PLA2G6: variants seen among roughly 807,000 people sequenced by gnomAD.
PLA2G6 encodes 85/88 kDa calcium-independent phospholipase A2.
A neutral mutation model predicts 83.8 loss-of-function variants in PLA2G6; 62 were observed. The ratio of observed to expected loss-of-function variants is 0.74; its 90% CI spans 0.60 to 0.91. PLA2G6 has a LOEUF of 0.91. Among genes scored for constraint, PLA2G6 ranks in the 40% least tolerant of loss-of-function variants. The probability of loss-of-function intolerance (pLI) is 0.00; values close to 1 mark genes in which losing one functional copy is unlikely to be tolerated. For synonymous variants in PLA2G6, 417 were observed against 449.8 expected, an observed-to-expected ratio of 0.93 and a Z score of 0.92; for missense variants, 944 against 1,102.0, an observed-to-expected ratio of 0.86 and a Z score of 2.03.
intron 4 of PLA2G6, chr22:38,140,390 C>T (rs993018840): frequency 1.9e-6 from 1 of 516,714 alleles, no homozygotes; most frequent in African/African-American, 1.9e-5. Flanking sequence ...CACCTGTAAT[C>T]CCAGCTACTC....
At position 38,145,835 on chromosome 22, in the gene PLA2G6, C is replaced by CACA. The variant is rs2089230063; in HGVS notation, c.210-183_210-182insTGT. The CACA allele has an allele frequency of 4.5e-5, 19 of 421,108 alleles. No individual in the cohort carries two copies. The Admixed American group carries it at 6.6e-4, about 15-fold the overall frequency. 26.1% of individuals were successfully genotyped at this position (421,108 alleles called of 1,614,324 possible). On this transcript the variant is annotated intron_variant, in intron 2 of 16. Coordinates refer to ENST00000332509, the MANE Select transcript of PLA2G6 (RefSeq NM_003560.4). ...CACACACACACACACACACACACAC[C>CACA]CCTATACACATGTAAATGACATAAT... is the stretch of plus-strand genomic sequence containing the variant.
intron 12 of PLA2G6, among the ~76,000 whole-genome samples, chr22:38,120,039 C>T (rs1389071353): frequency 1.3e-5 from 2 of 152,210 alleles, no homozygotes; most frequent in African/African-American, 2.4e-5. Flanking sequence ...GAGGGGATGC[C>T]GGGCCCCTAA....
At chr22:38,153,845 C>T (rs955188194) in intron 2 of PLA2G6, among the ~76,000 whole-genome samples, 3 of 152,174 alleles carry the variant, frequency 2.0e-5, no homozygotes, top group Admixed American at 6.5e-5. Context: ...AGTTCTGGAC[C>T]TGCCCTGGGT....
chr22:38,178,409 A>C (rs1213249281), intron 1 of PLA2G6, among the ~76,000 whole-genome samples: 5 of 152,082 alleles, frequency 3.3e-5, no homozygotes, highest in Non-Finnish European at 5.9e-5. Context: ...CACCTCTACA[A>C]AAACTTAACA....
chr22:38,157,664 A>C (rs1195548765), intron 2 of PLA2G6, among the ~76,000 whole-genome samples: 1 of 152,242 alleles, frequency 6.6e-6, no homozygotes, highest in Non-Finnish European at 1.5e-5. Context: ...AGAAAACTAC[A>C]GGCCAGTATC....
chr22:38,153,260 C>T (rs10427716), intron 2 of PLA2G6, among the ~76,000 whole-genome samples: 2,440 of 152,194 alleles, frequency 0.016, 70 homozygotes, highest in African/African-American at 0.056. Flanking sequence ...GGAGAATCCC[C>T]GTCCCTACTA....
rs1182000801 is a variant in PLA2G6, at chr22:38,123,406, G to A, written c.1428-148C>T. 8 of 787,518 alleles carry A rather than the reference G, an allele frequency of 1.0e-5. No homozygotes were observed. The highest frequency in any genetic ancestry group is 3.4e-5 in the African/African-American group (2 of 58,640). 48.8% of individuals were successfully genotyped at this position (787,518 alleles called of 1,614,324 possible). Reference sequence around the variant, plus strand: ...GAACTTCTGTCCTATGCAGGACAGCGAGGGTGGGGGTGAGGGCAGTAAAGG... The same window carrying A: ...GAACTTCTGTCCTATGCAGGACAGCAAGGGTGGGGGTGAGGGCAGTAAAGG... On this transcript the variant is annotated intron_variant, in intron 10 of 16. Transcript: ENST00000332509. This position sits in a 1 kb window ranked among gnomAD's most constrained non-coding sequence, Gnocchi z 4.1.
At chr22:38,159,982 A>C (rs1569291708) in intron 2 of PLA2G6, among the ~76,000 whole-genome samples, 2 of 152,194 alleles carry the variant, frequency 1.3e-5, no homozygotes, top group Non-Finnish European at 2.9e-5. Flanking sequence ...ATCACTGACA[A>C]AAGGTGTGTA....
chr22:38,140,454 G>C (rs1205274946), intron 4 of PLA2G6: 1 of 409,018 alleles, frequency 2.4e-6, no homozygotes, highest in Non-Finnish European at 4.6e-6. Context: ...GTTGCAGTGA[G>C]CTGAGATTGC....
intron 2 of PLA2G6, chr22:38,146,234 G>T (rs1405285976): frequency 6.2e-6 from 1 of 161,846 alleles, no homozygotes; most frequent in Non-Finnish European, 1.4e-5. Flanking sequence ...ATGGGGTTTG[G>T]CCATGTTGCC....
chr22:38,112,752 G>A, intron 15 of PLA2G6, 175 bp from the exon 16 acceptor site: 1 of 663,452 alleles, frequency 1.5e-6, no homozygotes, highest in South Asian at 1.6e-5. Flanking sequence ...TGGGACTGCA[G>A]GGACTGTCCC....
intron 1 of PLA2G6, among the ~76,000 whole-genome samples, chr22:38,174,377 G>GAC (rs1358376623): frequency 1.3e-5 from 2 of 151,350 alleles, no homozygotes; most frequent in Non-Finnish European, 2.9e-5. Context: ...CAGCCTGGGC[G>GAC]AGAGCGAGAC....
rs1393914636 is a variant in PLA2G6 at position 38,140,187 on chromosome 22, G to A, written c.610-18C>T. 1.2e-6 allele frequency: 2 copies of A among 1,611,698 alleles called. No homozygotes were observed. The highest frequency in any genetic ancestry group is 2.2e-5 in the South Asian group (2 of 91,014). ...CCAAGGAGCTGATGAAAGAGGAAGG[G>A]AAGTTTGACTCCATAGGATGCTGAT... On this transcript the variant is annotated intron_variant, in intron 4 of 16. Coordinates refer to ENST00000332509, the MANE Select transcript of PLA2G6 (RefSeq NM_003560.4).
At chr22:38,149,056 G>C (rs1334335818) in intron 2 of PLA2G6, 1 of 153,852 alleles carries the variant, frequency 6.5e-6, no homozygotes, top group Non-Finnish European at 1.4e-5. Flanking sequence ...TAGTAGAGAT[G>C]GGGTTTCACC....
chr22:38,171,905 G>T (rs1002721651), intron 1 of PLA2G6, among the ~76,000 whole-genome samples: 14 of 151,910 alleles, frequency 9.2e-5, no homozygotes, highest in African/African-American at 3.4e-4. Flanking sequence ...CAAGCGATCT[G>T]CCTGCCTCAG....
At chr22:38,121,229 C>T (rs868300721) in intron 11 of PLA2G6, among the ~76,000 whole-genome samples, 3 of 151,906 alleles carry the variant, frequency 2.0e-5, no homozygotes, top group Admixed American at 6.6e-5. Flanking sequence ...TACAAAAATT[C>T]GCCAGGTGTG....
intron 9 of PLA2G6, chr22:38,127,379 G>A (rs763740631): frequency 1.1e-5 from 14 of 1,311,724 alleles, no homozygotes; most frequent in Admixed American, 2.3e-5. Flanking sequence ...GGCTAGGCTC[G>A]GTGGCCTCTC....
chr22:38,120,885 C>T lies in PLA2G6; in HGVS notation c.1616G>A (p.Gly539Asp). The change falls in exon 12 of 17, where the codon GGC becomes GAC. Residue 539 changes from glycine to aspartate, a missense_variant. Coordinates refer to ENST00000332509, the MANE Select transcript of PLA2G6 (RefSeq NM_003560.4). ...LHSKSMAYMR[G>D]MYFRMKDEVF... Reference sequence around the variant, plus strand: ...CTCATCCTTCATGCGAAAGTACATGCCGCGCATGTAGGCCATGGACTTACC... The same window carrying T: ...CTCATCCTTCATGCGAAAGTACATGTCGCGCATGTAGGCCATGGACTTACC... 6.2e-7 allele frequency: 1 copy of T among 1,613,744 alleles called. No homozygotes were observed. The highest frequency in any genetic ancestry group is 8.5e-7 in the Non-Finnish European group (1 of 1,180,034).
chr22:38,151,493 G>C (rs2089557920), intron 2 of PLA2G6, among the ~76,000 whole-genome samples: 1 of 152,104 alleles, frequency 6.6e-6, no homozygotes, highest in Admixed American at 6.5e-5. Context: ...CTCCCGCCTA[G>C]GCTTCCCAAA....
Sources: allele counts gnomAD v4.1 joint callset (sites outside exome capture counted in the v4.1 genomes callset), GRCh38; gene constraint gnomAD v4.1.1; non-coding constraint Gnocchi (gnomAD v3.1); transcripts MANE v1.5; gene names NCBI Gene and HGNC (gene_info 2026-07-23, HGNC 2026-07-21).